Variants in LINGO2 observed in about 807,000 individuals in gnomAD.
LINGO2 encodes the protein leucine rich repeat and Ig domain containing 2.
In LINGO2, 14 loss-of-function variants were observed where a neutral mutation model predicts 30.6. That is an observed-to-expected ratio of 0.46 (90% CI 0.30 to 0.72). LINGO2 has a LOEUF of 0.72. Ranked by LOEUF, LINGO2 falls within the 30% of genes least tolerant of loss-of-function variation. LINGO2 has a pLI of 0.07. For synonymous variants in LINGO2, 317 were observed against 288.5 expected, an observed-to-expected ratio of 1.10 and a Z score of -1.00; for missense variants, 729 against 751.7, an observed-to-expected ratio of 0.97 and a Z score of 0.35.
intron 5 of LINGO2, among the ~76,000 whole-genome samples, chr9:27,982,700 C>G (rs536114101): frequency 2.0e-5 from 3 of 151,884 alleles, no homozygotes; most frequent in Non-Finnish European, 2.9e-5. Context: ...CTGAACTACC[C>G]TATGCTGGTT....
At chr9:28,362,524 G>A (rs1262283716) in intron 3 of LINGO2, among the ~76,000 whole-genome samples, 5 of 151,404 alleles carry the variant, frequency 3.3e-5, no homozygotes, top group Non-Finnish European at 7.4e-5. Flanking sequence ...AGGCTGGAGT[G>A]CAATGGCGTG....
chr9:28,101,935 C>T (rs1201742526), intron 4 of LINGO2, among the ~76,000 whole-genome samples: 2 of 152,124 alleles, frequency 1.3e-5, no homozygotes, highest in East Asian at 1.9e-4. Context: ...TTAGGAGTCA[C>T]GCACCAGGAA....
chr9:29,085,845 T>G, the LINGO2 span, among the ~76,000 whole-genome samples: 1 of 152,150 alleles, frequency 6.6e-6, no homozygotes, highest in Admixed American at 6.6e-5. Flanking sequence ...GTTGTGTAAT[T>G]TGCCCTATTA....
the LINGO2 span, among the ~76,000 whole-genome samples, chr9:28,813,302 G>T: frequency 1.3e-5 from 2 of 152,064 alleles, no homozygotes; most frequent in Non-Finnish European, 2.9e-5. Flanking sequence ...TTTTCTCTAC[G>T]CATATGTACT....
chr9:27,963,030 G>T (rs148416627), intron 5 of LINGO2, among the ~76,000 whole-genome samples: 1 of 152,248 alleles, frequency 6.6e-6, no homozygotes, highest in East Asian at 1.9e-4. Flanking sequence ...TAGACTTAAA[G>T]AAGCAACATG....
At chr9:28,114,802 T>C (rs1042114207) in intron 4 of LINGO2, among the ~76,000 whole-genome samples, 1 of 84,776 alleles carries the variant, frequency 1.2e-5, no homozygotes, top group Non-Finnish European at 2.3e-5. Context: ...TTCTTCTCTC[T>C]TTTTTTCTCT....
At chr9:29,126,647 A>C in the LINGO2 span, among the ~76,000 whole-genome samples, 8 of 152,070 alleles carry the variant, frequency 5.3e-5, no homozygotes, top group Admixed American at 3.9e-4. Context: ...GTAGGGCTTA[A>C]TGGTCATCTA....
intron 4 of LINGO2, among the ~76,000 whole-genome samples, chr9:28,175,257 A>G (rs962642186): frequency 1.6e-4 from 24 of 152,078 alleles, no homozygotes; most frequent in African/African-American, 5.8e-4. Context: ...CTCTGGAGGC[A>G]CCCACAAACT....
chr9:28,197,331 C>T (rs1820048553), intron 4 of LINGO2, among the ~76,000 whole-genome samples: 1 of 151,658 alleles, frequency 6.6e-6, no homozygotes, highest in African/African-American at 2.4e-5. Context: ...GTCTACACAA[C>T]ATTAAAATAT....
At chr9:28,071,585 T>C (rs182658903) in intron 4 of LINGO2, among the ~76,000 whole-genome samples, 1 of 151,670 alleles carries the variant, frequency 6.6e-6, no homozygotes, top group Admixed American at 6.6e-5. Context: ...TACGAGATAA[T>C]TTTTATCAAA....
chr9:28,403,743 C>G (rs1343424741), intron 2 of LINGO2, among the ~76,000 whole-genome samples: 1 of 151,212 alleles, frequency 6.6e-6, no homozygotes, highest in Non-Finnish European at 1.5e-5. Flanking sequence ...TGGCAAGAAG[C>G]AGAGTTTACA....
At chr9:28,262,416 A>G (rs1822596224) in intron 4 of LINGO2, among the ~76,000 whole-genome samples, 1 of 151,940 alleles carries the variant, frequency 6.6e-6, no homozygotes, top group Admixed American at 6.6e-5. Context: ...TGAATCAACA[A>G]TTTCCAGCTG....
intron 3 of LINGO2, among the ~76,000 whole-genome samples, chr9:28,328,426 C>A (rs1825305003): frequency 6.6e-6 from 1 of 151,978 alleles, no homozygotes; most frequent in African/African-American, 2.4e-5. Context: ...CAGACATTTT[C>A]ACAACCAAAC....
chr9:28,003,972 C>T (rs952027535), intron 5 of LINGO2, among the ~76,000 whole-genome samples: 3 of 152,120 alleles, frequency 2.0e-5, no homozygotes, highest in Admixed American at 2.0e-4. Flanking sequence ...ATTTTTTTAA[C>T]TAGCCATTTG....
the LINGO2 span, among the ~76,000 whole-genome samples, chr9:29,057,427 A>T: frequency 1.2e-4 from 18 of 152,184 alleles, no homozygotes; most frequent in African/African-American, 4.3e-4. Flanking sequence ...ATTTTTGGAT[A>T]TTGGCTCATG....
intron 4 of LINGO2, among the ~76,000 whole-genome samples, chr9:28,071,404 C>T (rs1825472565): frequency 6.6e-6 from 1 of 152,002 alleles, no homozygotes; most frequent in Non-Finnish European, 1.5e-5. Context: ...TAGTTTTCTA[C>T]TGTTGGTACC....
At chr9:28,743,115 T>C in the LINGO2 span, among the ~76,000 whole-genome samples, 6 of 152,182 alleles carry the variant, frequency 3.9e-5, no homozygotes, top group South Asian at 2.1e-4. Flanking sequence ...CTGCTAGCAA[T>C]GGATTCTAAC....
chr9:28,779,855 C>T, the LINGO2 span, among the ~76,000 whole-genome samples: 4 of 151,988 alleles, frequency 2.6e-5, no homozygotes, highest in Non-Finnish European at 4.4e-5. Context: ...GTTATAGAAC[C>T]ATTGCTCTAT....
chr9:28,274,264 C>T (rs1224374163), intron 4 of LINGO2, among the ~76,000 whole-genome samples: 1 of 152,068 alleles, frequency 6.6e-6, no homozygotes, highest in African/African-American at 2.4e-5. Flanking sequence ...CTTATACAAA[C>T]CTCTATTCTA....
Sources: gnomAD v4.1 joint callset for allele counts (sites outside exome capture counted in the v4.1 genomes callset) on GRCh38, gnomAD v4.1.1 for gene constraint, MANE v1.5 for transcripts, NCBI Gene and HGNC (gene_info 2026-07-23, HGNC 2026-07-21) for gene names.